Variants in GRIK3 observed in about 807,000 individuals in gnomAD.
GRIK3 encodes glutamate ionotropic receptor kainate type subunit 3, also known as glutamate receptor ionotropic, kainate 3.
In GRIK3, 29 loss-of-function variants were observed where a neutral mutation model predicts 102.5. The observed-to-expected ratio is 0.28, with a 90% CI of 0.21 to 0.39. The LOEUF (loss-of-function observed/expected upper bound fraction) is 0.39. GRIK3 is among the 10% of genes least tolerant of loss of function. GRIK3 has a pLI of 1.00. For synonymous variants in GRIK3, 511 were observed against 504.9 expected, an observed-to-expected ratio of 1.01 and a Z score of -0.16; for missense variants, 908 against 1,252.4, an observed-to-expected ratio of 0.73 and a Z score of 4.15.
rs79731643 is a variant in GRIK3, at chr1:36,934,231, C to T, written c.116-43135G>A. Among the ~76,000 whole-genome samples the T allele has an allele frequency of 7.3e-3, 1,107 of 152,260 alleles. 49 individuals are homozygous for T. The East Asian group carries it at 0.11, about 16-fold the overall frequency. On this transcript the variant is annotated intron_variant, in intron 1 of 15. Transcript: ENST00000373091. ...CTGTATCCAGTCTGTACAGCTGACC[C>T]GATCTCCTGGGCCTCCCTCCCTCTG...
chr1:36,899,356 C>T (rs1001626539), intron 1 of GRIK3, among the ~76,000 whole-genome samples: 12 of 151,992 alleles, frequency 7.9e-5, no homozygotes, highest in African/African-American at 2.7e-4. Flanking sequence ...GAAGGAAATT[C>T]GGACATATGT....
intron 1 of GRIK3, among the ~76,000 whole-genome samples, chr1:36,921,794 G>T (rs1166966095): frequency 6.6e-6 from 1 of 152,038 alleles, no homozygotes; most frequent in Non-Finnish European, 1.5e-5. Flanking sequence ...GCAGACCAAG[G>T]CAGGAGAAGG....
chr1:36,925,995 G>A (rs370251888), intron 1 of GRIK3, among the ~76,000 whole-genome samples: 2 of 152,298 alleles, frequency 1.3e-5, no homozygotes, highest in South Asian at 2.1e-4. Flanking sequence ...CTAGATCAAC[G>A]CCTCACTAAT....
intron 7 of GRIK3, among the ~76,000 whole-genome samples, chr1:36,857,028 C>T (rs1640661246): frequency 6.6e-6 from 1 of 152,234 alleles, no homozygotes; most frequent in African/African-American, 2.4e-5. Flanking sequence ...CAAAACTCAC[C>T]AATCCTCAGA....
chr1:36,887,769 AAAAT>A (rs1434019165), intron 2 of GRIK3, among the ~76,000 whole-genome samples: 3,079 of 89,898 alleles, frequency 0.034, 22 homozygotes, highest in Middle Eastern at 0.056. Context: ...AAAAAAAAAA[AAAAT>A]ATATATATAT....
intron 1 of GRIK3, among the ~76,000 whole-genome samples, chr1:36,988,477 G>GCAGGC (rs1642329597): frequency 6.6e-6 from 1 of 152,240 alleles, no homozygotes; most frequent in Non-Finnish European, 1.5e-5. Context: ...GGCCCTGCTG[G>GCAGGC]CAGGGCAAGA....
chr1:36,977,263 C>T (rs918470794), intron 1 of GRIK3, among the ~76,000 whole-genome samples: 2 of 152,216 alleles, frequency 1.3e-5, no homozygotes, highest in Non-Finnish European at 2.9e-5. Context: ...CCTGCCTCTC[C>T]CAAACCAGGT....
At chr1:36,993,676 G>A (rs1642385860) in intron 1 of GRIK3, among the ~76,000 whole-genome samples, 1 of 152,212 alleles carries the variant, frequency 6.6e-6, no homozygotes, top group South Asian at 2.1e-4. Context: ...GCACTGTGAT[G>A]TGCTCCTGGG....
chr1:36,945,476 T>C (rs1438236704), intron 1 of GRIK3, among the ~76,000 whole-genome samples: 2 of 152,220 alleles, frequency 1.3e-5, no homozygotes, highest in Non-Finnish European at 2.9e-5. Flanking sequence ...CTTTCAGACC[T>C]GGCAGAGACT....
chr1:36,854,549 C>T lies in GRIK3; in HGVS notation c.1105-827G>A, dbSNP rs548920601. The stretch of plus-strand genomic sequence containing the variant: ...TCAGGGGTTGGCGTCCTATGGCTAG[C>T]GGGTCAACCTGGCCCCTGGCTGCTT... On this transcript the variant is annotated intron_variant, in intron 7 of 15. Coordinates refer to ENST00000373091, the MANE Select transcript of GRIK3 (RefSeq NM_000831.4). Among the ~76,000 whole-genome samples the T allele has an allele frequency of 1.6e-4, 25 of 152,242 alleles. No homozygotes were observed. In the South Asian group the frequency reaches 3.9e-3, roughly 24 times the overall value.
At chr1:36,904,451 G>A (rs563418108) in intron 1 of GRIK3, among the ~76,000 whole-genome samples, 4 of 152,254 alleles carry the variant, frequency 2.6e-5, no homozygotes, top group Non-Finnish European at 4.4e-5. Context: ...AAAAGCCATC[G>A]TGATTGTGTG....
chr1:36,805,936 C>CAAAAAAAAAAAAAA (rs749853809), intron 14 of GRIK3, among the ~76,000 whole-genome samples, 168 bp downstream of exon 14: 1 of 31,592 alleles, frequency 3.2e-5, no homozygotes, highest in African/African-American at 1.3e-4. Flanking sequence ...AACTCCACCT[C>CAAAAAAAAAAAAAA]AAAAAAAAAA....
At chr1:36,818,679 T>C (rs1159059762) in intron 12 of GRIK3, among the ~76,000 whole-genome samples, 1 of 152,244 alleles carries the variant, frequency 6.6e-6, no homozygotes, top group African/African-American at 2.4e-5. Context: ...TGGCATGTAG[T>C]GGGTGCCCAG....
chr1:36,905,495 G>GAA (rs61097453), intron 1 of GRIK3, among the ~76,000 whole-genome samples: 2,279 of 140,608 alleles, frequency 0.016, 57 homozygotes, highest in African/African-American at 0.054. Context: ...TTGGTAATAA[G>GAA]AAAAAAAAAA....
chr1:36,938,606 A>G (rs1641685824), intron 1 of GRIK3, among the ~76,000 whole-genome samples: 1 of 152,094 alleles, frequency 6.6e-6, no homozygotes, highest in South Asian at 2.1e-4. Flanking sequence ...ACCCAGAGTG[A>G]CTTTTCCCAG....
chr1:36,863,007 C>G (rs184688872), intron 5 of GRIK3, among the ~76,000 whole-genome samples: 62 of 152,328 alleles, frequency 4.1e-4, no homozygotes, highest in African/African-American at 1.5e-3. Flanking sequence ...CTCACATTTA[C>G]TGAGCACCTA....
chr1:36,892,844 A>G (rs1295564688), intron 1 of GRIK3, among the ~76,000 whole-genome samples: 1 of 152,218 alleles, frequency 6.6e-6, no homozygotes, highest in Non-Finnish European at 1.5e-5. Context: ...AGATAGATCA[A>G]AGGAACAGGA....
At chr1:36,821,398 C>T (rs190482951) in intron 11 of GRIK3, among the ~76,000 whole-genome samples, 4 of 152,322 alleles carry the variant, frequency 2.6e-5, no homozygotes, top group South Asian at 4.1e-4. Flanking sequence ...CCAGAGCCCC[C>T]GCTTCCTCTA....
chr1:36,947,172 C>T (rs1641793086), intron 1 of GRIK3, among the ~76,000 whole-genome samples: 1 of 152,112 alleles, frequency 6.6e-6, no homozygotes, highest in African/African-American at 2.4e-5. Context: ...TGGCCCACTC[C>T]TGGGCCTGGT....
Sources: gnomAD v4.1 joint callset for allele counts (sites outside exome capture counted in the v4.1 genomes callset) on GRCh38, gnomAD v4.1.1 for gene constraint, MANE v1.5 for transcripts, NCBI Gene and HGNC (gene_info 2026-07-23, HGNC 2026-07-21) for gene names.